Variants in LVRN observed in about 807,000 individuals in gnomAD.
LVRN encodes aminopeptidase Q.
In LVRN, 99 loss-of-function variants were observed where a neutral mutation model predicts 111.4. The ratio of observed to expected loss-of-function variants is 0.89; its 90% CI spans 0.76 to 1.05. LVRN has a LOEUF of 1.05. Ranked by LOEUF, LVRN falls within the 50% of genes least tolerant of loss-of-function variation. The pLI is 0.00. For missense variants in LVRN, 1,414 were observed against 1,206.8 expected (o/e 1.17, Z -2.54); for synonymous variants, 488 against 449.5 (o/e 1.09, Z -1.08).
intron 9 of LVRN, among the ~76,000 whole-genome samples, 195 bp from the exon 10 acceptor site, chr5:116,000,872 A>G (rs1394720624): frequency 1.3e-5 from 2 of 152,196 alleles, no homozygotes; most frequent in East Asian, 3.9e-4. Flanking sequence ...ATATGTGTTC[A>G]TATTTATTGA....
chr5:115,992,285 G>A lies in LVRN; in HGVS notation c.1260+8G>A. On this transcript the variant is annotated splice_region_variant and intron_variant, in intron 5 of 19. Transcript: ENST00000357872. The stretch of plus-strand genomic sequence containing the variant: ...CACGAGATTGGACACCAGGCATGTG[G>A]TAAAATGTTCTTTTTATTTCACTTG... 6.2e-7 allele frequency: 1 copy of A among 1,613,124 alleles called. No homozygotes were observed. The highest frequency in any genetic ancestry group is 8.5e-7 in the Non-Finnish European group (1 of 1,179,654).
intron 3 of LVRN, 131 bp from the exon 4 acceptor site, chr5:115,987,682 G>A: frequency 9.2e-7 from 1 of 1,091,366 alleles, no homozygotes; most frequent in Non-Finnish European, 1.3e-6. Context: ...AAGCATGCAA[G>A]CATTTTATTA....
At chr5:116,014,550 T>A in intron 16 of LVRN, 23 bp downstream of exon 16, 1 of 1,580,354 alleles carries the variant, frequency 6.3e-7, no homozygotes, top group Non-Finnish European at 8.7e-7. Flanking sequence ...TCATAATTCC[T>A]CTTGTTTTTG....
Position 116,022,466 on chromosome 5 carries a change from G to C in LVRN, c.2832G>C (p.Glu944Asp), listed in dbSNP as rs375790701. The C allele has an allele frequency of 1.7e-5, 26 of 1,528,204 alleles. No individual in the cohort carries two copies. The Middle Eastern group carries it at 1.0e-3, about 61-fold the overall frequency. The allele number at this position is 1,528,204 out of a possible 1,614,324, so 94.7% of individuals were successfully genotyped here. A position where few individuals can be genotyped will look rare whatever the true frequency, so the allele number is the denominator to read the frequency against. Residue 944 changes from glutamate to aspartate, a missense_variant and splice_region_variant, in exon 19 of 20, where the codon GAG (glutamate) becomes GAC (aspartate). Transcript: ENST00000357872. ...TAACTACAGATTTACAGATTGTGGA[G>C]GTAAGTACTTTAAATATTATGAAAT... is the stretch of plus-strand genomic sequence containing the variant. ...RTVTTDLQIV[E>D]LQQFFSNMLE...
chr5:116,006,513 T>A (rs1748378153), intron 13 of LVRN, among the ~76,000 whole-genome samples: 1 of 152,152 alleles, frequency 6.6e-6, no homozygotes, highest in Non-Finnish European at 1.5e-5. Context: ...CCTCTCTCTG[T>A]CTCTAAGATC....
intron 4 of LVRN, 70 bp downstream of exon 4, chr5:115,988,009 T>G: frequency 6.5e-7 from 1 of 1,541,752 alleles, no homozygotes; most frequent in Non-Finnish European, 8.8e-7. Context: ...GGCCTCAAGA[T>G]ACACAGACAA....
At chr5:116,002,733 A>C in intron 10 of LVRN, 102 bp from the exon 11 acceptor site, 1 of 819,572 alleles carries the variant, frequency 1.2e-6, no homozygotes, top group Non-Finnish European at 1.9e-6. Context: ...TGACCAAAGA[A>C]ACTGAGTTCT....
At chr5:116,010,677 G>T in intron 13 of LVRN, 64 bp from the exon 14 acceptor site, 1 of 1,512,000 alleles carries the variant, frequency 6.6e-7, no homozygotes, top group South Asian at 1.2e-5. Flanking sequence ...AACAAATATC[G>T]AACGTATGCA....
chr5:115,963,492 T>C (rs1561550768), intron 1 of LVRN, among the ~76,000 whole-genome samples, 180 bp downstream of exon 1: 1 of 152,206 alleles, frequency 6.6e-6, no homozygotes, highest in African/African-American at 2.4e-5. Flanking sequence ...AGTTCTAGGG[T>C]ACATGTGCAC....
chr5:115,997,257 G>A (rs1474644182), intron 6 of LVRN, among the ~76,000 whole-genome samples: 1 of 152,038 alleles, frequency 6.6e-6, no homozygotes, highest in Non-Finnish European at 1.5e-5. Flanking sequence ...ACTCCTAAAG[G>A]GCCGAGGAAG....
At position 115,975,232 on chromosome 5, in the gene LVRN, C is replaced by T. The variant is rs1291112949; in HGVS notation, c.696-8055C>T. ...CAAAATCTTCATTATCTTGGGTTCA[C>T]ACCCCATGTCCAGCATATTGTCTGC... On this transcript the variant is annotated intron_variant, in intron 1 of 19. Coordinates refer to ENST00000357872, the MANE Select transcript of LVRN (RefSeq NM_173800.5). 3 of 478,064 alleles carry T rather than the reference C, an allele frequency of 6.3e-6. No homozygotes were observed. In the Admixed American group the frequency reaches 6.8e-5, roughly 11 times the overall value. The allele number at this position is 478,064 out of a possible 1,614,324, so 29.6% of individuals were successfully genotyped here.
chr5:115,990,274 A>G (rs938994840), intron 4 of LVRN, among the ~76,000 whole-genome samples: 2 of 152,160 alleles, frequency 1.3e-5, no homozygotes, highest in African/African-American at 4.8e-5. Flanking sequence ...TATATGCCAG[A>G]TTTCCTATGC....
At chr5:116,017,357 A>G (rs996917497) in intron 18 of LVRN, among the ~76,000 whole-genome samples, 1 of 152,204 alleles carries the variant, frequency 6.6e-6, no homozygotes, top group African/African-American at 2.4e-5. Context: ...TCTTGTTTCT[A>G]ACTGGTGTCG....
chr5:115,979,140 C>G (rs531591622), intron 1 of LVRN, among the ~76,000 whole-genome samples: 5 of 152,176 alleles, frequency 3.3e-5, no homozygotes, highest in African/African-American at 1.2e-4. Flanking sequence ...GTAGGGGACA[C>G]AGCTCTTGCA....
At chr5:116,019,680 G>A (rs1393029625) in intron 18 of LVRN, among the ~76,000 whole-genome samples, 2 of 152,162 alleles carry the variant, frequency 1.3e-5, no homozygotes, top group African/African-American at 2.4e-5. Flanking sequence ...TCTTGGCTGT[G>A]GGAGCCAGAA....
At chr5:115,966,536 C>T (rs1042938900) in intron 1 of LVRN, among the ~76,000 whole-genome samples, 7 of 152,130 alleles carry the variant, frequency 4.6e-5, no homozygotes, top group South Asian at 2.1e-4. Context: ...CTTTAAGAGG[C>T]GGGGTCCCTC....
chr5:115,977,620 A>C (rs1162978238), intron 1 of LVRN, among the ~76,000 whole-genome samples: 1 of 152,172 alleles, frequency 6.6e-6, no homozygotes, highest in Non-Finnish European at 1.5e-5. Context: ...GTTTAGTTTT[A>C]GTATTTATTA....
chr5:116,000,778 C>A, intron 9 of LVRN, 120 bp downstream of exon 9: 4 of 1,093,438 alleles, frequency 3.7e-6, no homozygotes, highest in Non-Finnish European at 5.3e-6. Context: ...TGTTGTAGAA[C>A]TCCCTTAGGT....
At chr5:115,986,475 A>G (rs2112576000) in intron 3 of LVRN, among the ~76,000 whole-genome samples, 1 of 152,338 alleles carries the variant, frequency 6.6e-6, no homozygotes, top group Middle Eastern at 3.4e-3. Context: ...CAGCTGCCAT[A>G]GAAACAACAA....
Sources: allele counts gnomAD v4.1 joint callset (sites outside exome capture counted in the v4.1 genomes callset), GRCh38; gene constraint gnomAD v4.1.1; transcripts MANE v1.5; gene names NCBI Gene and HGNC (gene_info 2026-07-23, HGNC 2026-07-21).